RABGAP1L: variants seen among roughly 807,000 people sequenced by gnomAD.
The protein encoded by RABGAP1L is RAB GTPase activating protein 1 like, also known as rab GTPase-activating protein 1-like.
Under a neutral mutation model 137.7 loss-of-function variants are expected in RABGAP1L, and 63 were observed. The ratio of observed to expected loss-of-function variants is 0.46; its 90% CI spans 0.37 to 0.56. The LOEUF (loss-of-function observed/expected upper bound fraction) is 0.56. Ranked by LOEUF, RABGAP1L falls within the 20% of genes least tolerant of loss-of-function variation. The pLI is 0.00. For missense variants in RABGAP1L, 1,095 were observed against 1,244.0 expected (o/e 0.88, Z 1.80); for synonymous variants, 431 against 433.7 (o/e 0.99, Z 0.08).
chr1:174,601,171 A>C (rs534353803), intron 13 of RABGAP1L, among the ~76,000 whole-genome samples: 14 of 152,330 alleles, frequency 9.2e-5, no homozygotes, highest in South Asian at 4.1e-4. Flanking sequence ...TGGCTGGGAC[A>C]CAGGGAACCA....
intron 13 of RABGAP1L, among the ~76,000 whole-genome samples, chr1:174,397,139 C>A (rs1647970795): frequency 6.6e-6 from 1 of 152,044 alleles, no homozygotes; most frequent in African/African-American, 2.4e-5. Context: ...AGAGTGAGAC[C>A]CAGTCTCAAA....
intron 19 of RABGAP1L, among the ~76,000 whole-genome samples, chr1:174,848,971 G>C (rs1647652645): frequency 6.6e-6 from 1 of 152,000 alleles, no homozygotes; most frequent in Non-Finnish European, 1.5e-5. Flanking sequence ...GCAATATTCG[G>C]GTGGGAGTGA....
chr1:174,284,808 T>C (rs558648588), intron 10 of RABGAP1L, among the ~76,000 whole-genome samples: 162 of 148,142 alleles, frequency 1.1e-3, no homozygotes, highest in African/African-American at 3.4e-3. Flanking sequence ...AGCTTTTTTT[T>C]CCCCCAAGAT....
intron 13 of RABGAP1L, among the ~76,000 whole-genome samples, chr1:174,511,357 A>C (rs1662315471): frequency 6.6e-6 from 1 of 152,226 alleles, no homozygotes; most frequent in Non-Finnish European, 1.5e-5. Context: ...TGGTTATAAA[A>C]GATTCTAAGG....
intron 11 of RABGAP1L, among the ~76,000 whole-genome samples, chr1:174,356,092 C>A (rs1571378518): frequency 6.6e-6 from 1 of 152,004 alleles, no homozygotes; most frequent in African/African-American, 2.4e-5. Context: ...TCAGGATGAC[C>A]TAATTTACAT....
intron 1 of RABGAP1L, among the ~76,000 whole-genome samples, chr1:174,201,559 C>T (rs1668100967): frequency 6.6e-6 from 1 of 152,120 alleles, no homozygotes; most frequent in South Asian, 2.1e-4. Flanking sequence ...GTAGATGCTA[C>T]ACAGTGTGCT....
intron 13 of RABGAP1L, among the ~76,000 whole-genome samples, chr1:174,547,029 CAAAAAAA>C (rs375413887): frequency 1.0e-4 from 8 of 78,244 alleles, no homozygotes; most frequent in Admixed American, 8.2e-4. Context: ...GACTCTGTCT[CAAAAAAA>C]AAAAAAAAAA....
chr1:174,232,958 T>C (rs1670808833), intron 4 of RABGAP1L, among the ~76,000 whole-genome samples: 1 of 152,128 alleles, frequency 6.6e-6, no homozygotes, highest in Non-Finnish European at 1.5e-5. Flanking sequence ...TGCCATAGAC[T>C]GGTGGTTTAC....
At chr1:174,703,086 T>TA (rs1250177882) in intron 17 of RABGAP1L, among the ~76,000 whole-genome samples, 1 of 152,194 alleles carries the variant, frequency 6.6e-6, no homozygotes, top group Non-Finnish European at 1.5e-5. Flanking sequence ...AGTTTTGTAT[T>TA]ACTATGCTTC....
At chr1:174,550,917 C>CACACACACATACACATATATATAT (rs1374389910) in intron 13 of RABGAP1L, among the ~76,000 whole-genome samples, 1 of 96,452 alleles carries the variant, frequency 1.0e-5, no homozygotes, top group East Asian at 3.0e-4. Flanking sequence ...TATACACACA[C>CACACACACATACACATATATATAT]ACACATATAT....
intron 14 of RABGAP1L, among the ~76,000 whole-genome samples, chr1:174,653,904 T>A (rs1451933142): frequency 6.6e-6 from 1 of 151,892 alleles, no homozygotes; most frequent in African/African-American, 2.4e-5. Context: ...TGAAAATGAG[T>A]ATGTTAGTTC....
chr1:174,828,236 C>T lies in RABGAP1L; in HGVS notation c.2340+16276C>T, dbSNP rs1379193654. On this transcript the variant is annotated intron_variant, in intron 19 of 25. Transcript: ENST00000681986. ...ACATTGCTTGTCTGGAGTGCTATAA[C>T]TGTCTCATAACTGGTCTCTCCGGCT... 1.4e-5 allele frequency among the ~76,000 whole-genome samples: 2 copies of T among 147,974 alleles called. 1 individual carries two copies. Among genetic ancestry groups the T allele is most frequent in the Non-Finnish European group, 3.0e-5 (2 of 66,570 alleles).
At chr1:174,739,868 A>T (rs192029800) in intron 17 of RABGAP1L, among the ~76,000 whole-genome samples, 10 of 152,336 alleles carry the variant, frequency 6.6e-5, no homozygotes, top group African/African-American at 1.9e-4. Flanking sequence ...TGTTATACAG[A>T]TGGTGGCATA....
At chr1:174,161,884 A>C (rs1430605491) in intron 1 of RABGAP1L, among the ~76,000 whole-genome samples, 5 of 152,132 alleles carry the variant, frequency 3.3e-5, no homozygotes, top group Non-Finnish European at 7.4e-5. Context: ...ACATGCCACC[A>C]AACCTGGCTA....
At chr1:174,762,105 T>C (rs1227655678) in intron 18 of RABGAP1L, among the ~76,000 whole-genome samples, 3 of 152,070 alleles carry the variant, frequency 2.0e-5, no homozygotes, top group Non-Finnish European at 4.4e-5. Context: ...CCAGCGAGAC[T>C]GCAACAAGAG....
intron 11 of RABGAP1L, among the ~76,000 whole-genome samples, chr1:174,313,370 C>T (rs1679048932): frequency 6.6e-6 from 1 of 152,074 alleles, no homozygotes; most frequent in African/African-American, 2.4e-5. Flanking sequence ...GTGGTGGAGC[C>T]TTTAGGGTTT....
chr1:174,619,538 T>C (rs1224969572), intron 13 of RABGAP1L, among the ~76,000 whole-genome samples: 1 of 152,188 alleles, frequency 6.6e-6, no homozygotes, highest in African/African-American at 2.4e-5. Context: ...CCAGCCAAAC[T>C]AAGCTTCATA....
At chr1:174,301,128 G>A (rs1272882794) in intron 10 of RABGAP1L, among the ~76,000 whole-genome samples, 2 of 152,006 alleles carry the variant, frequency 1.3e-5, no homozygotes, top group East Asian at 3.9e-4. Flanking sequence ...GAGGTGGGGT[G>A]TGAGCAAGCA....
At chr1:174,497,812 T>A (rs1249107310) in intron 13 of RABGAP1L, among the ~76,000 whole-genome samples, 2 of 152,258 alleles carry the variant, frequency 1.3e-5, no homozygotes, top group Non-Finnish European at 2.9e-5. Flanking sequence ...GTTATTGATT[T>A]GCTTAACTGA....
Sources: gnomAD v4.1 joint callset for allele counts (sites outside exome capture counted in the v4.1 genomes callset) on GRCh38, gnomAD v4.1.1 for gene constraint, MANE v1.5 for transcripts, NCBI Gene and HGNC (gene_info 2026-07-23, HGNC 2026-07-21) for gene names.